Variants in ARHGAP15 observed in about 807,000 individuals in gnomAD.
ARHGAP15 encodes the protein Rho GTPase activating protein 15, also known as rho GTPase-activating protein 15.
Under a neutral mutation model 63.7 loss-of-function variants are expected in ARHGAP15, and 51 were observed. That is an observed-to-expected ratio of 0.80 (90% CI 0.64 to 1.01). The LOEUF (loss-of-function observed/expected upper bound fraction) is 1.01. ARHGAP15 is among the 50% of genes least tolerant of loss of function. ARHGAP15 has a pLI of 0.00. For synonymous variants in ARHGAP15, 191 were observed against 193.8 expected (o/e 0.99, Z 0.12); for missense variants, 560 against 564.6 (o/e 0.99, Z 0.08).
At chr2:143,702,082 T>C (rs1437129767) in intron 12 of ARHGAP15, among the ~76,000 whole-genome samples, 2 of 152,194 alleles carry the variant, frequency 1.3e-5, no homozygotes, top group Non-Finnish European at 2.9e-5. Flanking sequence ...AGAATGGTTA[T>C]TGGGTGGATG....
intron 2 of ARHGAP15, among the ~76,000 whole-genome samples, chr2:143,159,475 T>C (rs1415864838): frequency 6.6e-6 from 1 of 151,926 alleles, no homozygotes; most frequent in African/African-American, 2.4e-5. Context: ...TTTGTATAAA[T>C]TGTCCTGAAG....
chr2:143,245,621 CTTT>C (rs35918190), intron 5 of ARHGAP15, among the ~76,000 whole-genome samples: 1 of 144,604 alleles, frequency 6.9e-6, no homozygotes. Context: ...TCTTCTTCTT[CTTT>C]TTTTTTTTTA....
intron 8 of ARHGAP15, among the ~76,000 whole-genome samples, chr2:143,451,499 C>T (rs189296753): frequency 7.6e-4 from 115 of 151,736 alleles, no homozygotes; most frequent in African/African-American, 2.7e-3. Context: ...CATCAGATCC[C>T]AAATCCCAGG....
chr2:143,257,558 G>A (rs1301960919), intron 6 of ARHGAP15, among the ~76,000 whole-genome samples: 2 of 152,064 alleles, frequency 1.3e-5, no homozygotes, highest in African/African-American at 4.8e-5. Flanking sequence ...CTGACACCAG[G>A]CTAAATGCAC....
chr2:143,238,036 AT>A (rs2104938341), intron 5 of ARHGAP15: 1 of 152,178 alleles, frequency 6.6e-6, no homozygotes, highest in South Asian at 2.1e-4. Flanking sequence ...TCCAGTTTCA[AT>A]TTTCTGCATA....
At chr2:143,410,714 G>C (rs1688405229) in intron 6 of ARHGAP15, among the ~76,000 whole-genome samples, 2 of 151,560 alleles carry the variant, frequency 1.3e-5, no homozygotes, top group African/African-American at 4.8e-5. Flanking sequence ...ATGACAACAA[G>C]AAAATTAAAA....
chr2:143,192,368 C>A lies in ARHGAP15; in HGVS notation c.166-9766C>A, dbSNP rs935077658. On this transcript the variant is annotated intron_variant, in intron 2 of 13. Transcript: ENST00000295095. ...AAAGATCATGCCTACACATGGATAA[C>A]CATTCTCCAAGGCAGACTAACAACA... 3.9e-5 allele frequency among the ~76,000 whole-genome samples: 6 copies of A among 152,328 alleles called. No homozygotes were observed. In the East Asian group the frequency reaches 1.2e-3, roughly 29 times the overall value.
chr2:143,690,466 G>A (rs1683545447), intron 12 of ARHGAP15, among the ~76,000 whole-genome samples: 1 of 152,108 alleles, frequency 6.6e-6, no homozygotes, highest in South Asian at 2.1e-4. Flanking sequence ...CTTTACAGTT[G>A]CTGTTGCGTC....
At chr2:143,309,055 A>T (rs933168021) in intron 6 of ARHGAP15, among the ~76,000 whole-genome samples, 1 of 151,998 alleles carries the variant, frequency 6.6e-6, no homozygotes, top group African/African-American at 2.4e-5. Context: ...GCATTGCTAA[A>T]GGTATTTTCA....
intron 11 of ARHGAP15, among the ~76,000 whole-genome samples, chr2:143,618,257 T>G (rs1478640553): frequency 1.3e-5 from 2 of 152,234 alleles, no homozygotes; most frequent in Non-Finnish European, 2.9e-5. Context: ...TTCTATATCC[T>G]TATAAACAGT....
rs554029289 is a variant in ARHGAP15 at position 143,430,451 on chromosome 2, C to G, written c.475-5150C>G. Among the ~76,000 whole-genome samples the G allele has an allele frequency of 1.6e-4, 24 of 152,034 alleles. 1 individual carries two copies. The South Asian group carries it at 3.5e-3, about 22-fold the overall frequency. ...TAATTTCTTTGGTGGTCATAAACAC[C>G]TTTGAGACCAAGTAATTTAGCTATT... On this transcript the variant is annotated intron_variant, in intron 6 of 13. Transcript: ENST00000295095.
chr2:143,670,645 C>CA, intron 12 of ARHGAP15, among the ~76,000 whole-genome samples: 1 of 152,278 alleles, frequency 6.6e-6, no homozygotes, highest in African/African-American at 2.4e-5. Flanking sequence ...CCCACCCTAC[C>CA]ACCTTAGACC....
At chr2:143,620,772 A>C (rs1289394218) in intron 11 of ARHGAP15, among the ~76,000 whole-genome samples, 1 of 152,224 alleles carries the variant, frequency 6.6e-6, no homozygotes, top group East Asian at 1.9e-4. Context: ...ATTAAATTAG[A>C]TAATGAATGT....
chr2:143,280,636 C>A (rs1457907937), intron 6 of ARHGAP15, among the ~76,000 whole-genome samples: 3 of 152,064 alleles, frequency 2.0e-5, no homozygotes, highest in Admixed American at 2.0e-4. Context: ...CCTAGTGTTA[C>A]CAGCTTCATT....
intron 12 of ARHGAP15, among the ~76,000 whole-genome samples, chr2:143,629,480 C>T (rs1698978535): frequency 1.3e-5 from 2 of 152,104 alleles, no homozygotes. Flanking sequence ...AAAGCACAGC[C>T]AGGGAGTTTT....
At chr2:143,269,546 A>G (rs1193256798) in intron 6 of ARHGAP15, among the ~76,000 whole-genome samples, 4 of 152,172 alleles carry the variant, frequency 2.6e-5, no homozygotes, top group East Asian at 3.8e-4. Flanking sequence ...CTTTTACCCA[A>G]TTAGGCTCTG....
At chr2:143,742,507 A>G (rs2105509695) in intron 13 of ARHGAP15, among the ~76,000 whole-genome samples, 1 of 152,362 alleles carries the variant, frequency 6.6e-6, no homozygotes, top group East Asian at 1.9e-4. Context: ...GAATCGGTAA[A>G]GAAATGACAA....
chr2:143,545,737 A>G (rs564854899), intron 10 of ARHGAP15, among the ~76,000 whole-genome samples: 14 of 152,274 alleles, frequency 9.2e-5, no homozygotes, highest in Non-Finnish European at 1.6e-4. Flanking sequence ...AATTCGCTAC[A>G]TCACAATTGG....
intron 11 of ARHGAP15, among the ~76,000 whole-genome samples, chr2:143,579,787 G>A (rs1696819901): frequency 6.6e-6 from 1 of 151,582 alleles, no homozygotes; most frequent in South Asian, 2.1e-4. Flanking sequence ...ATTTTAAGTG[G>A]GCAAGAATTA....
Sources: allele counts gnomAD v4.1 joint callset (sites outside exome capture counted in the v4.1 genomes callset), GRCh38; gene constraint gnomAD v4.1.1; transcripts MANE v1.5; gene names NCBI Gene and HGNC (gene_info 2026-07-23, HGNC 2026-07-21).